Variants in PARP10 observed in about 807,000 individuals in gnomAD.
PARP10 encodes poly(ADP-ribose) polymerase family member 10.
PARP10 carries 56 observed loss-of-function variants against 82.4 expected under a neutral mutation model. The ratio of observed to expected loss-of-function variants is 0.68; its 90% CI spans 0.55 to 0.85. The LOEUF is 0.85. Ranked by LOEUF, PARP10 falls within the 40% of genes least tolerant of loss-of-function variation. PARP10 has a pLI of 0.00. For missense variants in PARP10, 1,227 were observed against 1,379.4 expected, an observed-to-expected ratio of 0.89 and a Z score of 1.75; for synonymous variants, 576 against 601.1, an observed-to-expected ratio of 0.96 and a Z score of 0.61.
At chr8:143,991,424 G>T (rs1437675910), upstream of PARP10, 9 of 1,417,780 alleles carry the variant, frequency 6.3e-6, no homozygotes, top group African/African-American at 8.7e-5. Flanking sequence ...ACCCCCAAGG[G>T]GGCTACCCAC....
chr8:143,996,648 A>C (rs1345899748), intron 1 of PARP10, among the ~76,000 whole-genome samples: 1 of 152,206 alleles, frequency 6.6e-6, no homozygotes, highest in Non-Finnish European at 1.5e-5. Context: ...TCACGGCATG[A>C]TCAGCATGAA....
chr8:144,000,140 C>A (rs894705599), intron 1 of PARP10, among the ~76,000 whole-genome samples: 1 of 152,136 alleles, frequency 6.6e-6, no homozygotes, highest in Non-Finnish European at 1.5e-5. Flanking sequence ...TAAATTGTGC[C>A]CCCACCAAAT....
Position 143,985,951 on chromosome 8 carries a change from G to T in PARP10, c.206C>A (p.Ala69Glu). ...CTGGGCACCATGTAGTTCGTGATCT[G>T]CCTGGGCCAAGACCCTCTCGGCGTC... ...PADAERVLAQ[A>E]DHELHGAQLS... is the part of the protein sequence containing the mutation. The change falls in exon 3 of 11, where the codon GCA becomes GAA. Residue 69 changes from alanine (A) to glutamate (E), a missense_variant. Transcript: ENST00000313028. 1 of 1,583,358 alleles carries T rather than the reference G, an allele frequency of 6.3e-7. No individual in the cohort carries two copies.
intron 9 of PARP10, among the ~76,000 whole-genome samples, chr8:143,980,201 TC>T (rs1302306247): frequency 6.7e-6 from 1 of 150,304 alleles, no homozygotes; most frequent in Non-Finnish European, 1.5e-5. Flanking sequence ...GCGCCTGTAG[TC>T]CCAGCTACTC....
rs1354278881 is a variant in PARP10, at chr8:143,984,281, C to T, written c.1609G>A (p.Glu537Lys). The T allele has an allele frequency of 1.9e-6, 3 of 1,614,112 alleles. No individual in the cohort carries two copies. Among genetic ancestry groups the T allele is most frequent in the Non-Finnish European group, 2.5e-6 (3 of 1,179,998 alleles). The change falls in exon 6 of 11, where the codon GAG becomes AAG. Residue 537 changes from glutamate (E) to lysine (K), a missense_variant. Transcript: ENST00000313028. ...PEGQHLLQGL[E>K]AQFQCVFGTE... The stretch of plus-strand genomic sequence containing the variant: ...CCAAAGACACACTGGAACTGAGCCT[C>T]CAGCCCCTGGAGAAGGTGCTGCCCT...
At chr8:143,987,622 G>A (rs530869649), upstream of PARP10, among the ~76,000 whole-genome samples, 16 of 152,350 alleles carry the variant, frequency 1.1e-4, no homozygotes, top group African/African-American at 3.8e-4. Context: ...GCCGGGCGCA[G>A]TGGCTCATGC....
chr8:143,982,524 C>T (rs1387093700), intron 9 of PARP10, among the ~76,000 whole-genome samples: 1 of 152,230 alleles, frequency 6.6e-6, no homozygotes, highest in Non-Finnish European at 1.5e-5. Flanking sequence ...CCGCAGCGAG[C>T]CCGGGCCTTT....
At chr8:143,984,162 G>A (rs1554748545) in intron 6 of PARP10, 48 bp downstream of exon 6, 1 of 1,588,310 alleles carries the variant, frequency 6.3e-7, no homozygotes, top group South Asian at 1.1e-5. Flanking sequence ...GGAGGCCTGG[G>A]GCAGAGGCGT....
upstream of PARP10, chr8:143,991,675 G>C (rs782388056): frequency 3.7e-6 from 6 of 1,601,064 alleles, no homozygotes; most frequent in Non-Finnish European, 5.1e-6. Flanking sequence ...CGCTGACCCA[G>C]CCTGTCTGCT....
rs781837920 is a variant in PARP10 at position 143,984,537 on chromosome 8, C to G, written c.1458+7G>C. 5 of 1,604,258 alleles carry G rather than the reference C, an allele frequency of 3.1e-6. No homozygotes were observed. Among genetic ancestry groups the G allele is most frequent in the Non-Finnish European group, 4.3e-6 (5 of 1,175,416 alleles). On this transcript the variant is annotated splice_region_variant and intron_variant, in intron 5 of 10. Transcript: ENST00000313028. Reference sequence around the variant, plus strand: ...CTGAAGGTGAGGAGTCCTGAGGGGTCACTCACCCGAAAGCCAGTCATATCC... The same window carrying G: ...CTGAAGGTGAGGAGTCCTGAGGGGTGACTCACCCGAAAGCCAGTCATATCC...
At chr8:143,977,863 T>C in intron 10 of PARP10, 33 bp from the exon 11 acceptor site, 1 of 1,598,220 alleles carries the variant, frequency 6.3e-7, no homozygotes, top group Non-Finnish European at 8.5e-7. Flanking sequence ...GTCAGGGTGG[T>C]CGGGGTGCGC....
chr8:143,988,447 GCT>G, upstream of PARP10, among the ~76,000 whole-genome samples: 1 of 148,178 alleles, frequency 6.7e-6, no homozygotes. Flanking sequence ...ACCATACCCA[GCT>G]ATTTTATTTT....
chr8:143,983,560 C>T lies in PARP10; in HGVS notation c.2029G>A (p.Ala677Thr), dbSNP rs1554748308. The change falls in exon 8 of 11, where the codon GCT (alanine) becomes ACT (threonine). Residue 677 changes from alanine (A) to threonine (T), a missense_variant. Physicochemically the swap from Ala to Thr is moderately conservative, Grantham distance 58. Transcript: ENST00000313028. The stretch of plus-strand genomic sequence containing the variant: ...AGGGTTAGGGCTTGCCGCAGGGCAG[C>T]AGCCTCCTCCTGCTCAGCCACCTGA... ...QGQVAEQEEA[A>T]ALRQALTLSL... 6.2e-7 allele frequency: 1 copy of T among 1,606,462 alleles called. No homozygotes were observed.
chr8:143,985,091 G>C lies in PARP10; in HGVS notation c.911C>G (p.Ser304Ter), dbSNP rs1015498888. 7 of 1,613,842 alleles carry C rather than the reference G, an allele frequency of 4.3e-6. No homozygotes were observed. Among genetic ancestry groups the C allele is most frequent in the Non-Finnish European group, 5.9e-6 (7 of 1,180,002 alleles). Residue 304 changes from serine to a stop codon, truncating the protein, a stop_gained, in exon 5 of 11, where the codon TCA becomes TGA. Transcript: ENST00000313028. LOFTEE classifies it high-confidence loss of function. ...GGGACCTGTCCTCAGAGAGGCCCCTGACTGCCCTGGTTCCTCGCCAGAGCC... is the reference window on the plus strand; with the variant it reads ...GGGACCTGTCCTCAGAGAGGCCCCTCACTGCCCTGGTTCCTCGCCAGAGCC... ...TMGSGEEPGQ[S>*]GASLRTGPMV...
At chr8:143,991,530 C>T (rs1834096236), upstream of PARP10, 4 of 1,541,668 alleles carry the variant, frequency 2.6e-6, no homozygotes, top group Non-Finnish European at 3.5e-6. Flanking sequence ...CCCCCAGGGG[C>T]CATATCCCCA....
At chr8:143,992,561 A>C, upstream of PARP10, 1 of 1,614,172 alleles carries the variant, frequency 6.2e-7, no homozygotes, top group East Asian at 2.2e-5. Flanking sequence ...CCGGAACCGC[A>C]TCCTGGAGAT....
upstream of PARP10, among the ~76,000 whole-genome samples, chr8:143,994,632 CAT>C (rs1246497490): frequency 6.6e-6 from 1 of 152,214 alleles, no homozygotes; most frequent in Non-Finnish European, 1.5e-5. Context: ...GCAGTGCTGT[CAT>C]TGTTCACAGA....
Position 143,986,210 on chromosome 8 carries a change from G to C in PARP10, c.26C>G (p.Ala9Gly), listed in dbSNP as rs782745917. MVAMAEAE[A>G]GVAVEVRGLP... ...TCCACGGACCTCCACTGCCACCCCT[G>C]CCTCTGCCTCCGCCATTGCAACCCT... Residue 9 changes from alanine (A) to glycine (G), a missense_variant, in exon 2 of 11, where the codon GCA becomes GGA. By Grantham distance (60) the Ala-to-Gly change is moderately conservative. Coordinates refer to ENST00000313028, the MANE Select transcript of PARP10 (RefSeq NM_032789.5). The C allele has an allele frequency of 3.7e-6, 6 of 1,613,958 alleles. No individual in the cohort carries two copies. In the Admixed American group the frequency reaches 1.0e-4, roughly 27 times the overall value.
At chr8:143,990,111 C>CGAGCGG (rs1418228384), upstream of PARP10, 1 of 151,340 alleles carries the variant, frequency 6.6e-6, no homozygotes, top group African/African-American at 2.4e-5. The surrounding 1 kb of genome is among the most constrained non-coding windows in gnomAD (Gnocchi z 5.6). Flanking sequence ...GAGCGGCCGC[C>CGAGCGG]GAGCGGGTGC....
Sources: gnomAD v4.1 joint callset for allele counts (sites outside exome capture counted in the v4.1 genomes callset) on GRCh38, gnomAD v4.1.1 for gene constraint, Gnocchi (gnomAD v3.1) non-coding constraint, MANE v1.5 for transcripts, NCBI Gene and HGNC (gene_info 2026-07-23, HGNC 2026-07-21) for gene names.